The following UMAD1 variants were observed in gnomAD, a reference collection of about 807,000 sequenced individuals.
The protein encoded by UMAD1 is UBAP1-MVB12-associated (UMA)-domain containing protein 1.
A neutral mutation model predicts 6.1 loss-of-function variants in UMAD1; 8 were observed. The ratio of observed to expected loss-of-function variants is 1.30; its 90% CI spans 0.76 to 2.35. The LOEUF is 2.35. UMAD1 is among the 30% of genes most tolerant of loss of function. The pLI, the probability that UMAD1 is intolerant of heterozygous loss-of-function variation, is 0.00. For synonymous variants in UMAD1, 56 were observed against 31.4 expected, an observed-to-expected ratio of 1.78 and a Z score of -2.61; for missense variants, 130 against 78.4, an observed-to-expected ratio of 1.66 and a Z score of -2.49.
At chr7:7,818,139 C>A (rs1166549155) in intron 3 of UMAD1, among the ~76,000 whole-genome samples, 1 of 152,118 alleles carries the variant, frequency 6.6e-6, no homozygotes, top group Non-Finnish European at 1.5e-5. Flanking sequence ...CTCCCTCCTC[C>A]CACCTTCCAC....
chr7:7,835,638 G>A (rs76798711), intron 3 of UMAD1, among the ~76,000 whole-genome samples: 11,839 of 151,636 alleles, frequency 0.078, 660 homozygotes, highest in Non-Finnish European at 0.12. Context: ...ACAATAGTAT[G>A]CTAACATGAT....
At chr7:7,729,702 C>T (rs765921597) in intron 2 of UMAD1, among the ~76,000 whole-genome samples, 18 of 152,316 alleles carry the variant, frequency 1.2e-4, no homozygotes, top group Middle Eastern at 3.4e-3. Flanking sequence ...CTGGTGAACA[C>T]GCTAACCTCA....
rs1583891908 is a variant in UMAD1, at chr7:7,878,826, G to C, written c.*1288G>C. ...CAAATGCTATGTTATTTAAAAGTTA[G>C]AGGAACATTTCTATTGACAAAAATA... On this transcript the variant is annotated 3_prime_UTR_variant, in exon 4 of 4. Transcript: ENST00000682710. The C allele has an allele frequency of 6.6e-6, 1 of 152,134 alleles. No homozygotes were observed. Among genetic ancestry groups the C allele is most frequent in the South Asian group, 2.1e-4 (1 of 4,830 alleles). 9.4% of individuals were successfully genotyped at this position (152,134 alleles called of 1,614,324 possible).
At chr7:7,848,167 A>C (rs1783846533) in intron 3 of UMAD1, among the ~76,000 whole-genome samples, 1 of 152,148 alleles carries the variant, frequency 6.6e-6, no homozygotes, top group South Asian at 2.1e-4. Flanking sequence ...AACCTGTTTC[A>C]ATTTACTAGT....
intron 2 of UMAD1, among the ~76,000 whole-genome samples, chr7:7,698,011 G>C (rs975513141): frequency 1.3e-5 from 2 of 152,140 alleles, no homozygotes; most frequent in African/African-American, 2.4e-5. Context: ...TCATTTGATT[G>C]TTAGAATGTG....
chr7:7,788,617 C>T (rs1782502404), intron 2 of UMAD1, among the ~76,000 whole-genome samples: 1 of 151,614 alleles, frequency 6.6e-6, no homozygotes, highest in Non-Finnish European at 1.5e-5. Flanking sequence ...CCACTGCTTC[C>T]TACCTGGTGA....
chr7:7,828,205 G>T (rs1339014218), intron 3 of UMAD1, among the ~76,000 whole-genome samples: 1 of 152,222 alleles, frequency 6.6e-6, no homozygotes, highest in Middle Eastern at 3.4e-3. Flanking sequence ...GATAGTCGCT[G>T]GTTGGTTAAA....
chr7:7,729,339 G>T (rs1033677441), intron 2 of UMAD1, among the ~76,000 whole-genome samples: 1 of 152,178 alleles, frequency 6.6e-6, no homozygotes, highest in African/African-American at 2.4e-5. Context: ...AGCCAATGTT[G>T]AACATTAAGC....
chr7:7,676,894 T>G (rs899228564), intron 2 of UMAD1, among the ~76,000 whole-genome samples: 3 of 152,106 alleles, frequency 2.0e-5, no homozygotes, highest in Non-Finnish European at 4.4e-5. Context: ...AGGTAAACTC[T>G]TTTTTAAAAA....
intron 3 of UMAD1, among the ~76,000 whole-genome samples, chr7:7,827,978 A>G (rs1783380296): frequency 6.6e-6 from 1 of 152,212 alleles, no homozygotes; most frequent in African/African-American, 2.4e-5. Flanking sequence ...CAATTATTCA[A>G]GAAGCCACTA....
intron 1 of UMAD1, among the ~76,000 whole-genome samples, chr7:7,642,186 G>A (rs966135784): frequency 2.6e-5 from 4 of 152,128 alleles, no homozygotes; most frequent in African/African-American, 9.7e-5. Flanking sequence ...CCAGACTGGA[G>A]TGCAGTAGCA....
intron 2 of UMAD1, among the ~76,000 whole-genome samples, chr7:7,739,200 G>T (rs1392041779): frequency 6.6e-6 from 1 of 152,186 alleles, no homozygotes; most frequent in East Asian, 1.9e-4. Context: ...TAATTCGACA[G>T]ACCACAGATG....
At chr7:7,733,548 C>G (rs997630679) in intron 2 of UMAD1, among the ~76,000 whole-genome samples, 1 of 148,614 alleles carries the variant, frequency 6.7e-6, no homozygotes, top group Non-Finnish European at 1.5e-5. Flanking sequence ...GAGTGATACA[C>G]AGAAAACATT....
intron 2 of UMAD1, among the ~76,000 whole-genome samples, chr7:7,678,066 C>T (rs1013201799): frequency 2.0e-5 from 3 of 152,122 alleles, no homozygotes; most frequent in African/African-American, 7.2e-5. Context: ...GTGGACGTCT[C>T]TTTGATATGC....
chr7:7,673,337 C>T lies in UMAD1; in HGVS notation c.-35C>T, dbSNP rs1779655218. On this transcript the variant is annotated 5_prime_UTR_variant, in exon 2 of 4. Coordinates refer to ENST00000682710, the MANE Select transcript of UMAD1 (RefSeq NM_001302348.2). ...GCAGCAGCAGCAGCAGCAGCAGCAGCAGCAGCAGCAGCAGCAGCAGCAGCA... is the reference window on the plus strand; with the variant it reads ...GCAGCAGCAGCAGCAGCAGCAGCAGTAGCAGCAGCAGCAGCAGCAGCAGCA... 1 of 1,240,218 alleles carries T rather than the reference C, an allele frequency of 8.1e-7. No individual in the cohort carries two copies. Among genetic ancestry groups the T allele is most frequent in the African/African-American group, 1.6e-5 (1 of 64,456 alleles). The allele number at this position is 1,240,218 out of a possible 1,614,324, so 76.8% of individuals were successfully genotyped here.
At chr7:7,752,897 A>C (rs79759762) in intron 2 of UMAD1, among the ~76,000 whole-genome samples, 1,938 of 152,188 alleles carry the variant, frequency 0.013, 16 homozygotes, top group Non-Finnish European at 0.019. Context: ...CTTTTTCTTT[A>C]AAAGGTCTAG....
intron 1 of UMAD1, among the ~76,000 whole-genome samples, chr7:7,647,016 A>G (rs1036174392): frequency 6.6e-6 from 1 of 152,216 alleles, no homozygotes; most frequent in Non-Finnish European, 1.5e-5. Context: ...CGTATCAGTT[A>G]CACTAGTTTT....
intron 1 of UMAD1, among the ~76,000 whole-genome samples, chr7:7,661,227 C>T (rs1309276222): frequency 6.6e-6 from 1 of 151,792 alleles, no homozygotes; most frequent in Non-Finnish European, 1.5e-5. Flanking sequence ...ACCTTTTTTT[C>T]CAAGGTTCTT....
At chr7:7,868,568 A>C (rs868255707) in intron 3 of UMAD1, 2 of 141,410 alleles carry the variant, frequency 1.4e-5, no homozygotes, top group South Asian at 4.2e-4. Flanking sequence ...AGAAGAGAAA[A>C]TGGAAAAAAT....
Sources: allele counts gnomAD v4.1 joint callset (sites outside exome capture counted in the v4.1 genomes callset), GRCh38; gene constraint gnomAD v4.1.1; transcripts MANE v1.5; gene names NCBI Gene and HGNC (gene_info 2026-07-23, HGNC 2026-07-21).